The following PIP5K1A variants were observed in gnomAD, a reference collection of about 807,000 sequenced individuals.
PIP5K1A encodes phosphatidylinositol-4-phosphate 5-kinase type 1 alpha, also known as phosphatidylinositol 4-phosphate 5-kinase type-1 alpha.
A neutral mutation model predicts 72.9 loss-of-function variants in PIP5K1A; 46 were observed. The observed-to-expected ratio is 0.63, with a 90% CI of 0.50 to 0.81. The LOEUF is 0.81. Among genes scored for constraint, PIP5K1A ranks in the 30% least tolerant of loss-of-function variants. PIP5K1A has a pLI of 0.00. For missense variants in PIP5K1A, 458 were observed against 706.1 expected (o/e 0.65, Z 3.98); for synonymous variants, 228 against 255.1 (o/e 0.89, Z 1.01).
chr1:151,215,891 T>C, intron 1 of PIP5K1A: 1 of 769,452 alleles, frequency 1.3e-6, no homozygotes, highest in South Asian at 1.4e-5. Flanking sequence ...TTTAAAAACA[T>C]GTATGCTTAT....
At chr1:151,230,746 G>T (rs761926529) in intron 4 of PIP5K1A, among the ~76,000 whole-genome samples, 21 of 152,132 alleles carry the variant, frequency 1.4e-4, no homozygotes, top group Non-Finnish European at 2.5e-4. Flanking sequence ...CACCACATTG[G>T]CCAGGCTGGT....
At chr1:151,196,992 C>T (rs371289867), upstream of PIP5K1A, among the ~76,000 whole-genome samples, 12 of 151,668 alleles carry the variant, frequency 7.9e-5, no homozygotes, top group African/African-American at 2.9e-4. Context: ...TCCCGAGTAG[C>T]AGGGATTACA....
upstream of PIP5K1A, among the ~76,000 whole-genome samples, chr1:151,196,370 G>A (rs1684556163): frequency 6.6e-6 from 1 of 151,954 alleles, no homozygotes; most frequent in South Asian, 2.1e-4. Context: ...GAGGGTATAG[G>A]TACAGGGAAT....
At chr1:151,230,544 A>G (rs2102590438) in intron 4 of PIP5K1A, among the ~76,000 whole-genome samples, 1 of 152,002 alleles carries the variant, frequency 6.6e-6, no homozygotes, top group East Asian at 1.9e-4. Flanking sequence ...CTTTTACCAC[A>G]CTGTTGCCCT....
chr1:151,213,479 G>A (rs1687143905), intron 1 of PIP5K1A: 1 of 152,128 alleles, frequency 6.6e-6, no homozygotes, highest in South Asian at 2.1e-4. Flanking sequence ...CTGTTTTATA[G>A]GAGAGTGTTG....
chr1:151,219,587 G>T (rs1372237327), intron 1 of PIP5K1A, among the ~76,000 whole-genome samples: 1 of 151,878 alleles, frequency 6.6e-6, no homozygotes, highest in African/African-American at 2.4e-5. Flanking sequence ...CCAGCTACTC[G>T]GGAGGCTGAG....
chr1:151,205,545 GCCTGT>G (rs1219247326), intron 1 of PIP5K1A, among the ~76,000 whole-genome samples: 1 of 151,654 alleles, frequency 6.6e-6, no homozygotes, highest in African/African-American at 2.4e-5. Context: ...GGTGACTCAC[GCCTGT>G]AATGCCAGCA....
At chr1:151,230,606 A>G (rs1194820559) in intron 4 of PIP5K1A, among the ~76,000 whole-genome samples, 1 of 151,960 alleles carries the variant, frequency 6.6e-6, no homozygotes, top group African/African-American at 2.4e-5. Context: ...CAGTGGTGTG[A>G]TCTTGGCTCA....
At chr1:151,215,424 G>A (rs1687454162) in intron 1 of PIP5K1A, among the ~76,000 whole-genome samples, 2 of 151,296 alleles carry the variant, frequency 1.3e-5, no homozygotes, top group South Asian at 4.2e-4. Context: ...TCTGCCTCCT[G>A]GGTTCAAGCG....
chr1:151,239,127 C>T lies in PIP5K1A; in HGVS notation c.1230-3C>T, dbSNP rs776076568. The T allele has an allele frequency of 1.2e-5, 19 of 1,607,110 alleles. 1 individual carries two copies. The South Asian group carries it at 1.9e-4, about 16-fold the overall frequency. On this transcript the variant is annotated splice_polypyrimidine_tract_variant and splice_region_variant and intron_variant, in intron 10 of 15. Coordinates refer to ENST00000368888, the MANE Select transcript of PIP5K1A (RefSeq NM_001135638.2). ...GAGTAGGTGATGTACATTTTTCTTG[C>T]AGGTTTGTTAAGAAGTTGGAGCACT...
intron 1 of PIP5K1A, among the ~76,000 whole-genome samples, chr1:151,207,818 G>C (rs1414661908): frequency 6.6e-6 from 1 of 150,958 alleles, no homozygotes; most frequent in Non-Finnish European, 1.5e-5. Context: ...CGGGCATGAG[G>C]CACCACACCT....
chr1:151,214,132 T>G (rs587758432), intron 1 of PIP5K1A, among the ~76,000 whole-genome samples: 2 of 152,268 alleles, frequency 1.3e-5, no homozygotes, highest in East Asian at 3.9e-4. Context: ...AGTGTTTGAT[T>G]TTATGACTGC....
chr1:151,215,511 G>A (rs1294346024), intron 1 of PIP5K1A, among the ~76,000 whole-genome samples: 4 of 151,960 alleles, frequency 2.6e-5, no homozygotes, highest in Non-Finnish European at 4.4e-5. Context: ...TGTATTTTTA[G>A]TAGAGACGGG....
intron 1 of PIP5K1A, among the ~76,000 whole-genome samples, chr1:151,223,261 G>A (rs1302701511): frequency 6.6e-6 from 1 of 150,868 alleles, no homozygotes; most frequent in Non-Finnish European, 1.5e-5. Context: ...TGAGGCAGGA[G>A]AATCTCTTGA....
intron 1 of PIP5K1A, among the ~76,000 whole-genome samples, chr1:151,201,263 C>G (rs1685183289): frequency 6.6e-6 from 1 of 152,118 alleles, no homozygotes; most frequent in African/African-American, 2.4e-5. Flanking sequence ...CAGGTGTTTG[C>G]TTTGTACTCT....
At chr1:151,198,216 A>C (rs1684722732), upstream of PIP5K1A, 1 of 412,572 alleles carries the variant, frequency 2.4e-6, no homozygotes, top group Non-Finnish European at 5.0e-6. Context: ...GTTTTGTGAT[A>C]TTCGACACCT....
chr1:151,234,127 T>C, intron 7 of PIP5K1A, 70 bp from the exon 8 acceptor site: 1 of 1,246,994 alleles, frequency 8.0e-7, no homozygotes, highest in South Asian at 1.4e-5. Context: ...GGGTGGTAAC[T>C]TTTACTGGTG....
At chr1:151,227,218 A>G (rs1364147944) in intron 3 of PIP5K1A, 102 bp from the exon 4 acceptor site, 2 of 697,948 alleles carry the variant, frequency 2.9e-6, no homozygotes, top group Admixed American at 2.3e-5. Flanking sequence ...TTTAATCTAG[A>G]AAGAATATGT....
chr1:151,234,511 T>C lies in PIP5K1A; in HGVS notation c.939+15T>C. On this transcript the variant is annotated intron_variant, in intron 8 of 15. Coordinates refer to ENST00000368888, the MANE Select transcript of PIP5K1A (RefSeq NM_001135638.2). ...GTGACTGTTTGGTGAGTTTGTTACTTAGACATCAAAAATCTCAGTTACTAA... is the reference window on the plus strand; with the variant it reads ...GTGACTGTTTGGTGAGTTTGTTACTCAGACATCAAAAATCTCAGTTACTAA... 6.2e-7 allele frequency: 1 copy of C among 1,608,626 alleles called. No homozygotes were observed. Among genetic ancestry groups the C allele is most frequent in the Non-Finnish European group, 8.5e-7 (1 of 1,175,070 alleles).
Sources: gnomAD v4.1 joint callset for allele counts (sites outside exome capture counted in the v4.1 genomes callset) on GRCh38, gnomAD v4.1.1 for gene constraint, MANE v1.5 for transcripts, NCBI Gene and HGNC (gene_info 2026-07-23, HGNC 2026-07-21) for gene names.